Variants in MACROH2A2 observed in about 807,000 individuals in gnomAD.
The protein encoded by MACROH2A2 is macroH2A.2 histone, also known as core histone macro-H2A.2.
Under a neutral mutation model 37.6 loss-of-function variants are expected in MACROH2A2, and 6 were observed. The ratio of observed to expected loss-of-function variants is 0.16; its 90% CI spans 0.09 to 0.32. The LOEUF is 0.32. MACROH2A2 is among the 10% of genes least tolerant of loss of function. MACROH2A2 has a pLI of 1.00. For synonymous variants in MACROH2A2, 192 were observed against 202.7 expected, an observed-to-expected ratio of 0.95 and a Z score of 0.45; for missense variants, 290 against 485.9, an observed-to-expected ratio of 0.60 and a Z score of 3.79.
intron 6 of MACROH2A2, among the ~76,000 whole-genome samples, chr10:70,096,846 C>T (rs1163850857): frequency 6.6e-6 from 1 of 152,098 alleles, no homozygotes; most frequent in Admixed American, 6.5e-5. Context: ...ACTTGCTGTG[C>T]TGAAAAGGAG....
At chr10:70,105,672 G>A (rs1355529186) in intron 7 of MACROH2A2, among the ~76,000 whole-genome samples, 1 of 151,922 alleles carries the variant, frequency 6.6e-6, no homozygotes, top group African/African-American at 2.4e-5. Flanking sequence ...CAACCGTGTG[G>A]AGGATGGTTT....
At position 70,056,958 on chromosome 10, in the gene MACROH2A2, G is replaced by A. The variant is rs142363205; in HGVS notation, c.-60+3958G>A. 5.9e-3 allele frequency among the ~76,000 whole-genome samples: 905 copies of A among 152,220 alleles called. 8 individuals carry two copies. The highest frequency in any genetic ancestry group is 0.021 in the African/African-American group (854 of 41,526). ...TATTGGAAGATCATGTTTTTAAAAG[G>A]AGTGTAGTGAAATCTTGAAGATAGA... On this transcript the variant is annotated intron_variant, in intron 1 of 8. Transcript: ENST00000373255.
intron 8 of MACROH2A2, 116 bp from the exon 9 acceptor site, chr10:70,111,402 T>C: frequency 2.3e-6 from 2 of 870,136 alleles, no homozygotes; most frequent in Non-Finnish European, 3.5e-6. Flanking sequence ...AAGGAGATCA[T>C]GCATGGACTA....
intron 2 of MACROH2A2, among the ~76,000 whole-genome samples, chr10:70,084,053 G>A (rs1167370345): frequency 1.3e-5 from 2 of 152,012 alleles, no homozygotes; most frequent in African/African-American, 4.8e-5. Context: ...ATTTTCAACT[G>A]ACCAGAACAA....
chr10:70,069,876 C>T (rs577878455), intron 1 of MACROH2A2, among the ~76,000 whole-genome samples: 3 of 151,884 alleles, frequency 2.0e-5, no homozygotes, highest in South Asian at 2.1e-4. Flanking sequence ...AAGGGTGGCC[C>T]GGGAAAGAAG....
At chr10:70,059,759 G>A (rs535699503) in intron 1 of MACROH2A2, among the ~76,000 whole-genome samples, 56 of 152,302 alleles carry the variant, frequency 3.7e-4, no homozygotes, top group African/African-American at 1.3e-3. Flanking sequence ...CCAAACTGGA[G>A]GCTCCCTCCC....
chr10:70,087,472 A>T (rs1461028888), intron 2 of MACROH2A2, among the ~76,000 whole-genome samples: 1 of 151,258 alleles, frequency 6.6e-6, no homozygotes, highest in Non-Finnish European at 1.5e-5. Flanking sequence ...ACCTCAAGGG[A>T]TCCACCCATC....
chr10:70,097,169 A>T (rs2072281074), intron 6 of MACROH2A2, among the ~76,000 whole-genome samples: 1 of 152,062 alleles, frequency 6.6e-6, no homozygotes, highest in Admixed American at 6.5e-5. Flanking sequence ...TTGGGAGGAG[A>T]AATGGGCTAA....
chr10:70,078,379 G>T (rs1055300585), intron 2 of MACROH2A2, among the ~76,000 whole-genome samples: 1 of 152,200 alleles, frequency 6.6e-6, no homozygotes, highest in Non-Finnish European at 1.5e-5. Flanking sequence ...CCTGGGCCAC[G>T]TGGAGGAGGA....
chr10:70,079,585 A>G (rs1450096565), intron 2 of MACROH2A2, among the ~76,000 whole-genome samples: 3 of 151,608 alleles, frequency 2.0e-5, no homozygotes, highest in Non-Finnish European at 4.4e-5. Flanking sequence ...ACACACACAC[A>G]CACACACACA....
chr10:70,061,306 T>G (rs533034092), intron 1 of MACROH2A2, among the ~76,000 whole-genome samples: 1 of 152,352 alleles, frequency 6.6e-6, no homozygotes, highest in African/African-American at 2.4e-5. Context: ...GGCAAACTGG[T>G]TCATTTTCTG....
intron 2 of MACROH2A2, among the ~76,000 whole-genome samples, chr10:70,079,565 G>GCGCGCGCACACA (rs1386558755): frequency 1.6e-5 from 2 of 126,216 alleles, no homozygotes; most frequent in African/African-American, 6.5e-5. Flanking sequence ...GCGCGCGCGC[G>GCGCGCGCACACA]CACACACACA....
intron 7 of MACROH2A2, among the ~76,000 whole-genome samples, chr10:70,101,548 A>G (rs2072307127): frequency 1.3e-5 from 2 of 152,226 alleles, no homozygotes; most frequent in Non-Finnish European, 2.9e-5. Context: ...GACCCCGGAC[A>G]TGTTCCAAGA....
chr10:70,090,605 T>C (rs917571853), intron 3 of MACROH2A2, among the ~76,000 whole-genome samples: 2 of 152,232 alleles, frequency 1.3e-5, no homozygotes, highest in Non-Finnish European at 2.9e-5. Context: ...TGTAAGGTGG[T>C]AGGTAAATAG....
intron 1 of MACROH2A2, among the ~76,000 whole-genome samples, chr10:70,056,945 A>G (rs1057241942): frequency 3.9e-5 from 6 of 152,208 alleles, no homozygotes; most frequent in Non-Finnish European, 2.9e-5. Flanking sequence ...TTGGAAGATC[A>G]TGTTTTTAAA....
intron 1 of MACROH2A2, among the ~76,000 whole-genome samples, chr10:70,063,659 ATTTTCAG>A (rs1452384193): frequency 6.6e-6 from 1 of 152,222 alleles, no homozygotes; most frequent in East Asian, 1.9e-4. Flanking sequence ...GTCAAATGAC[ATTTTCAG>A]TTTCCAGTTC....
intron 2 of MACROH2A2, among the ~76,000 whole-genome samples, chr10:70,080,746 G>A (rs2072171024): frequency 1.3e-5 from 2 of 151,630 alleles, no homozygotes; most frequent in Admixed American, 6.6e-5. Flanking sequence ...GCCGGGCATG[G>A]TGGTGCATGC....
chr10:70,089,570 T>C (rs1025908059), intron 2 of MACROH2A2, among the ~76,000 whole-genome samples: 36 of 152,178 alleles, frequency 2.4e-4, no homozygotes, highest in Non-Finnish European at 5.1e-4. Flanking sequence ...AAGGGAAATA[T>C]AGTTTTCCTG....
chr10:70,109,202 C>T lies in MACROH2A2; in HGVS notation c.948C>T (p.Ser316=), dbSNP rs767276006. 14 of 1,613,404 alleles carry T rather than the reference C, an allele frequency of 8.7e-6. No homozygotes were observed. Among genetic ancestry groups the T allele is most frequent in the East Asian group, 2.2e-5 (1 of 44,898 alleles). The part of the protein sequence containing the change: ...LKSVAFPPFP[S]GRNCFPKQTA... ...CCGTCGCGTTCCCGCCTTTCCCCAGCGGCAGGTAAGATGCAGTTCCCCTGA... is the reference window on the plus strand; with the variant it reads ...CCGTCGCGTTCCCGCCTTTCCCCAGTGGCAGGTAAGATGCAGTTCCCCTGA... Residue 316 remains serine (S), a synonymous_variant, in exon 8 of 9, where the codon AGC becomes AGT. Coordinates refer to ENST00000373255, the MANE Select transcript of MACROH2A2 (RefSeq NM_018649.3).
Sources: gnomAD v4.1 joint callset for allele counts (sites outside exome capture counted in the v4.1 genomes callset) on GRCh38, gnomAD v4.1.1 for gene constraint, MANE v1.5 for transcripts, NCBI Gene and HGNC (gene_info 2026-07-23, HGNC 2026-07-21) for gene names.